The following ITGB6 variants were observed in gnomAD, a reference collection of about 807,000 sequenced individuals.
ITGB6 encodes integrin beta-6.
A neutral mutation model predicts 84.5 loss-of-function variants in ITGB6; 80 were observed. The observed-to-expected ratio is 0.95, with a 90% confidence interval of 0.79 to 1.14. The LOEUF (loss-of-function observed/expected upper bound fraction) is 1.14, where lower values mean the gene tolerates loss of function less well. Ranked by LOEUF, ITGB6 falls within the 50% of genes most tolerant of loss-of-function variation. The pLI, the probability that ITGB6 is intolerant of heterozygous loss-of-function variation, is 0.00. For synonymous variants in ITGB6, 383 were observed against 354.9 expected (o/e 1.08, Z -0.89); for missense variants, 1,006 against 968.0 (o/e 1.04, Z -0.52).
At chr2:160,141,844 G>T in intron 8 of ITGB6, 138 bp downstream of exon 8, 1 of 546,558 alleles carries the variant, frequency 1.8e-6, no homozygotes, top group Non-Finnish European at 3.2e-6. Context: ...TTATATTTTG[G>T]CTGCATTCAT....
Position 160,137,607 on chromosome 2 carries a change from A to C in ITGB6, c.1487T>G (p.Met496Arg). The C allele has an allele frequency of 6.2e-7, 1 of 1,614,206 alleles. No individual in the cohort carries two copies. The highest frequency in any genetic ancestry group is 8.5e-7 in the Non-Finnish European group (1 of 1,180,030). ...CTCCTTGCAGGAATCTGTGCTCAGC[A>C]TGTCCTCGCCACACTCACAGCGAGG... ...MGPRCECGED[M>R]LSTDSCKEAP... The change falls in exon 10 of 15, where the codon ATG becomes AGG. Residue 496 changes from methionine to arginine, a missense_variant. Transcript: ENST00000283249.
At chr2:160,127,382 G>T (rs1683282099) in intron 10 of ITGB6, among the ~76,000 whole-genome samples, 1 of 152,110 alleles carries the variant, frequency 6.6e-6, no homozygotes, top group African/African-American at 2.4e-5. Flanking sequence ...CTTAACACAG[G>T]TACTCCCTTC....
chr2:160,150,009 C>A (rs755036619), intron 7 of ITGB6, among the ~76,000 whole-genome samples: 1 of 152,036 alleles, frequency 6.6e-6, no homozygotes, highest in African/African-American at 2.4e-5. Context: ...ATGGGGAGAA[C>A]GGAACCAAGT....
intron 4 of ITGB6, among the ~76,000 whole-genome samples, chr2:160,179,390 C>CTTTTTTTTTTTTTTTTTTTT: frequency 7.6e-6 from 1 of 131,178 alleles, no homozygotes; most frequent in Non-Finnish European, 1.6e-5. Flanking sequence ...TTTTCTTTTT[C>CTTTTTTTTTTTTTTTTTTTT]TTTTTTTTTT....
At chr2:160,152,341 CA>C (rs1684458091) in intron 7 of ITGB6, among the ~76,000 whole-genome samples, 1 of 152,144 alleles carries the variant, frequency 6.6e-6, no homozygotes, top group Admixed American at 6.5e-5. Context: ...GAATCAATGA[CA>C]AAAACCACAT....
chr2:160,112,855 T>C (rs984722779), intron 12 of ITGB6, among the ~76,000 whole-genome samples: 1 of 151,898 alleles, frequency 6.6e-6, no homozygotes, highest in Non-Finnish European at 1.5e-5. Context: ...TTTTTCCTTA[T>C]TGAGCTCATT....
chr2:160,182,350 C>T (rs1358723554), intron 4 of ITGB6, among the ~76,000 whole-genome samples: 1 of 152,062 alleles, frequency 6.6e-6, no homozygotes, highest in Non-Finnish European at 1.5e-5. Flanking sequence ...GAAGCATACA[C>T]AAGCATCAAT....
intron 7 of ITGB6, among the ~76,000 whole-genome samples, chr2:160,165,720 T>C (rs941819657): frequency 2.6e-5 from 4 of 152,200 alleles, no homozygotes; most frequent in Non-Finnish European, 2.9e-5. Context: ...ATCAGGTGGG[T>C]ACTTGCTCAG....
intron 12 of ITGB6, among the ~76,000 whole-genome samples, chr2:160,122,190 G>C (rs1337782300): frequency 6.6e-6 from 1 of 151,962 alleles, no homozygotes; most frequent in Non-Finnish European, 1.5e-5. Flanking sequence ...ACAAATAATT[G>C]TATCTCCCTA....
rs992024183 is a variant in ITGB6 at position 160,177,441 on chromosome 2, G to T, written c.594-3302C>A. ...AAAAAATTAGCCCGGGGTGGTGGTG[G>T]GTGCCTGTAGTCCCAGCTACTCAGG... is the stretch of plus-strand genomic sequence containing the variant. On this transcript the variant is annotated intron_variant, in intron 4 of 14. Coordinates refer to ENST00000283249, the MANE Select transcript of ITGB6 (RefSeq NM_000888.5). Among the ~76,000 whole-genome samples the T allele has an allele frequency of 2.6e-4, 39 of 151,756 alleles. 1 individual carries two copies. The highest frequency in any genetic ancestry group is 1.5e-5 in the Non-Finnish European group (1 of 67,920).
At chr2:160,182,077 C>T (rs1398043234) in intron 4 of ITGB6, among the ~76,000 whole-genome samples, 3 of 152,160 alleles carry the variant, frequency 2.0e-5, no homozygotes, top group Non-Finnish European at 2.9e-5. Flanking sequence ...ACCCAGAATG[C>T]CTCTTCTCCT....
rs1683819536 is a variant in ITGB6 at position 160,137,845 on chromosome 2, A to T, written c.1249T>A (p.Phe417Ile). 1.9e-6 allele frequency: 3 copies of T among 1,612,758 alleles called. No homozygotes were observed. The South Asian group carries it at 3.3e-5, about 18-fold the overall frequency. ...SHMKVGDTAS[F>I]SVTVNIPHCE... ...TGTGGGATATTCACAGTCACGCTGA[A>T]GGAAGCCTGGAAAAGAAAATACTAA... is the stretch of plus-strand genomic sequence containing the variant. The change falls in exon 10 of 15, where the codon TTC (phenylalanine) becomes ATC (isoleucine). Residue 417 changes from phenylalanine (F) to isoleucine (I), a missense_variant. Physicochemically the swap from Phe to Ile is conservative, Grantham distance 21 (BLOSUM62 0). Transcript: ENST00000283249.
intron 14 of ITGB6, among the ~76,000 whole-genome samples, chr2:160,103,710 A>G (rs1003325741): frequency 5.3e-5 from 8 of 152,188 alleles, no homozygotes; most frequent in Non-Finnish European, 8.8e-5. Flanking sequence ...CATTGAAGAA[A>G]CAAGATGGAA....
chr2:160,198,947 G>C lies in ITGB6; in HGVS notation c.141+232C>G, dbSNP rs534685181. On this transcript the variant is annotated intron_variant, in intron 2 of 14. Coordinates refer to ENST00000283249, the MANE Select transcript of ITGB6 (RefSeq NM_000888.5). Reference sequence around the variant, plus strand: ...ACCAGGTAAAATAAAAAAATCCCAAGTTAAAATTTTTTTCCGAATTATTTG... The same window carrying C: ...ACCAGGTAAAATAAAAAAATCCCAACTTAAAATTTTTTTCCGAATTATTTG... 6.6e-5 allele frequency among the ~76,000 whole-genome samples: 10 copies of C among 152,208 alleles called. No homozygotes were observed. The South Asian group carries it at 1.7e-3, about 25-fold the overall frequency.
intron 7 of ITGB6, among the ~76,000 whole-genome samples, chr2:160,151,697 T>G (rs1289791800): frequency 6.6e-6 from 1 of 151,454 alleles, no homozygotes; most frequent in Non-Finnish European, 1.5e-5. Flanking sequence ...GATAGACCAC[T>G]AGCAAGACTA....
chr2:160,130,625 T>C (rs60689813), intron 10 of ITGB6, among the ~76,000 whole-genome samples: 1 of 152,306 alleles, frequency 6.6e-6, no homozygotes, highest in East Asian at 1.9e-4. Flanking sequence ...CAATTTATAA[T>C]TGACATAATT....
intron 12 of ITGB6, among the ~76,000 whole-genome samples, chr2:160,114,560 C>T (rs918704598): frequency 6.6e-6 from 1 of 152,194 alleles, no homozygotes; most frequent in Non-Finnish European, 1.5e-5. Flanking sequence ...CTCCAGTCTA[C>T]AGCACCCAGC....
intron 8 of ITGB6, among the ~76,000 whole-genome samples, chr2:160,140,015 C>A (rs1360039064): frequency 1.3e-5 from 2 of 152,052 alleles, no homozygotes; most frequent in African/African-American, 4.8e-5. Context: ...CTACCTCTGC[C>A]CTACTAGAGG....
intron 7 of ITGB6, among the ~76,000 whole-genome samples, chr2:160,155,757 G>A (rs1279559504): frequency 6.6e-6 from 1 of 152,154 alleles, no homozygotes; most frequent in Admixed American, 6.5e-5. Context: ...ATATCTAAAC[G>A]ATTCTACATA....
Sources: allele counts gnomAD v4.1 joint callset (sites outside exome capture counted in the v4.1 genomes callset), GRCh38; gene constraint gnomAD v4.1.1; transcripts MANE v1.5; gene names NCBI Gene and HGNC (gene_info 2026-07-23, HGNC 2026-07-21).